ABHD5: variants seen among roughly 807,000 people sequenced by gnomAD.
The protein encoded by ABHD5 is 1-acylglycerol-3-phosphate O-acyltransferase ABHD5.
Under a neutral mutation model 44.9 loss-of-function variants are expected in ABHD5, and 30 were observed. That is an observed-to-expected ratio of 0.67 (90% CI 0.50 to 0.91). The LOEUF (loss-of-function observed/expected upper bound fraction) is 0.91. Among genes scored for constraint, ABHD5 ranks in the 40% least tolerant of loss-of-function variants. The pLI, the probability that ABHD5 is intolerant of heterozygous loss-of-function variation, is 0.00. For synonymous variants in ABHD5, 167 were observed against 147.0 expected, an observed-to-expected ratio of 1.14 and a Z score of -0.99; for missense variants, 399 against 423.4, an observed-to-expected ratio of 0.94 and a Z score of 0.50.
rs1439511213 is a variant in ABHD5 at position 43,717,729 on chromosome 3, C to G, written c.832C>G (p.Leu278Val). ...IPYGWAKRPM[L>V]QRIGKMHPDI... ...TTATGGATGGGCAAAAAGGCCAATGCTCCAGCGAATTGGTAAAATGCACCC... is the reference window on the plus strand; with the variant it reads ...TTATGGATGGGCAAAAAGGCCAATGGTCCAGCGAATTGGTAAAATGCACCC... Residue 278 changes from leucine to valine, a missense_variant, in exon 6 of 7, where the codon CTC becomes GTC. Leu to Val is a conservative substitution (Grantham distance 32, BLOSUM62 1). Transcript: ENST00000644371. 3 of 1,614,236 alleles carry G rather than the reference C, an allele frequency of 1.9e-6. No individual in the cohort carries two copies. The highest frequency in any genetic ancestry group is 3.3e-5 in the Admixed American group (2 of 60,030).
At chr3:43,725,711 A>G (rs1164457890), downstream of ABHD5, among the ~76,000 whole-genome samples, 1 of 152,176 alleles carries the variant, frequency 6.6e-6, no homozygotes, top group Admixed American at 6.5e-5. Context: ...ATGATTCTGG[A>G]CAGTGTCTCC....
chr3:43,723,209 T>C (rs1430014172), downstream of ABHD5, among the ~76,000 whole-genome samples: 3 of 152,208 alleles, frequency 2.0e-5, no homozygotes, highest in Non-Finnish European at 2.9e-5. Flanking sequence ...TAAAAACTCA[T>C]TGGTCACTTT....
At chr3:43,697,807 A>G (rs1390224580) in intron 1 of ABHD5, among the ~76,000 whole-genome samples, 1 of 152,226 alleles carries the variant, frequency 6.6e-6, no homozygotes, top group Non-Finnish European at 1.5e-5. Context: ...CCCTTCAGAC[A>G]TTTTAAGGAA....
At chr3:43,691,783 G>A (rs980982549) in intron 1 of ABHD5, among the ~76,000 whole-genome samples, 2 of 152,186 alleles carry the variant, frequency 1.3e-5, no homozygotes, top group Non-Finnish European at 2.9e-5. Flanking sequence ...AAGGTCTTTG[G>A]CTTGCAAGCT....
intron 1 of ABHD5, among the ~76,000 whole-genome samples, chr3:43,696,741 A>T (rs2084478288): frequency 6.6e-6 from 1 of 152,230 alleles, no homozygotes; most frequent in South Asian, 2.1e-4. Flanking sequence ...AAAGAAGCAG[A>T]GGATAGTTTC....
rs140871217 is a variant in ABHD5 at position 43,715,453 on chromosome 3, G to A, written c.773+395G>A. ...GTTGGGATTACAGGTGTGAGCCACC[G>A]TGCCCGGCCTTTGTTTAAAATATAT... On this transcript the variant is annotated intron_variant, in intron 5 of 6. Transcript: ENST00000644371. 3.9e-3 allele frequency among the ~76,000 whole-genome samples: 596 copies of A among 152,216 alleles called. 6 individuals are homozygous for A. The highest frequency in any genetic ancestry group is 0.013 in the African/African-American group (533 of 41,530).
At chr3:43,727,878 G>A (rs1338525922) in intron 7 of ABHD5, among the ~76,000 whole-genome samples, 1 of 152,168 alleles carries the variant, frequency 6.6e-6, no homozygotes, top group Non-Finnish European at 1.5e-5. Flanking sequence ...CAAAGTGCTA[G>A]TAGTACAGGC....
At chr3:43,731,136 T>C (rs955410149) in intron 7 of ABHD5, among the ~76,000 whole-genome samples, 28 of 152,034 alleles carry the variant, frequency 1.8e-4, no homozygotes, top group African/African-American at 6.5e-4. Context: ...CCCTAATCCA[T>C]TTTTTTTAAA....
At chr3:43,712,324 C>T (rs1239368324) in intron 4 of ABHD5, among the ~76,000 whole-genome samples, 1 of 152,196 alleles carries the variant, frequency 6.6e-6, no homozygotes, top group Non-Finnish European at 1.5e-5. Context: ...TACCACCACA[C>T]TCACAGATTC....
At position 43,702,682 on chromosome 3, in the gene ABHD5, A is replaced by G. The variant is rs150873257; in HGVS notation, c.506+95A>G. 9.3e-4 allele frequency: 1,466 copies of G among 1,578,394 alleles called. 13 individuals are homozygous for G. In the African/African-American group the frequency reaches 0.018, roughly 19 times the overall value. On this transcript the variant is annotated intron_variant, in intron 3 of 6. Transcript: ENST00000644371. ...TGGTGGTTGTTAGTGTCTGAGCCAC[A>G]AGGCAGACATTCTCTTAAAGGACCC...
At chr3:43,703,852 C>T (rs2084579459) in intron 3 of ABHD5, among the ~76,000 whole-genome samples, 1 of 152,054 alleles carries the variant, frequency 6.6e-6, no homozygotes, top group South Asian at 2.1e-4. Context: ...TCCTCTGGAA[C>T]AGCCACTTTT....
intron 1 of ABHD5, 162 bp downstream of exon 1, chr3:43,691,201 C>A: frequency 1.7e-6 from 1 of 595,398 alleles, no homozygotes; most frequent in Non-Finnish European, 2.5e-6. Flanking sequence ...CGCCCAGAGG[C>A]GTCCCGGCGC....
rs892335181 is a variant in ABHD5, at chr3:43,717,736, G to A, written c.839G>A (p.Arg280Gln). Residue 280 changes from arginine to glutamine, a missense_variant, in exon 6 of 7, where the codon CGA becomes CAA. By Grantham distance (43) the Arg-to-Gln change is conservative (BLOSUM62 1). Transcript: ENST00000644371. ...YGWAKRPMLQRIGKMHPDIPV... is the reference protein window; with the variant it reads ...YGWAKRPMLQQIGKMHPDIPV... ...TGGGCAAAAAGGCCAATGCTCCAGC[G>A]AATTGGTAAAATGCACCCTGACATT... The A allele has an allele frequency of 6.2e-7, 1 of 1,614,192 alleles. No individual in the cohort carries two copies. Among genetic ancestry groups the A allele is most frequent in the Non-Finnish European group, 8.5e-7 (1 of 1,180,038 alleles).
chr3:43,703,624 C>T (rs1033843751), intron 3 of ABHD5, among the ~76,000 whole-genome samples: 1 of 152,184 alleles, frequency 6.6e-6, no homozygotes, highest in African/African-American at 2.4e-5. Context: ...ATGAATACAG[C>T]ATTTTTGTGT....
At chr3:43,723,385 T>C (rs1384165271), downstream of ABHD5, among the ~76,000 whole-genome samples, 1 of 152,196 alleles carries the variant, frequency 6.6e-6, no homozygotes, top group African/African-American at 2.4e-5. Flanking sequence ...ATCGCCATTT[T>C]GCCACCTCTA....
downstream of ABHD5, among the ~76,000 whole-genome samples, chr3:43,723,945 C>A (rs1444586611): frequency 6.6e-6 from 1 of 151,992 alleles, no homozygotes. Flanking sequence ...AAGCCCTTAC[C>A]TTTAGGAGTA....
intron 7 of ABHD5, among the ~76,000 whole-genome samples, chr3:43,729,506 C>T (rs2084899339): frequency 6.6e-6 from 1 of 152,208 alleles, no homozygotes; most frequent in African/African-American, 2.4e-5. Context: ...GGTTAAGTGA[C>T]TTGCCCAGGA....
In ABHD5 at chr3:43,714,938, G is replaced by C. The variant is rs771931499; in HGVS notation, c.662-9G>C. ...AAAACATGCATTTTTTAAATTTCCT[G>C]TTAAATAGGTTTAAGTCTAGTGCAG... On this transcript the variant is annotated splice_polypyrimidine_tract_variant and intron_variant, in intron 4 of 6. Coordinates refer to ENST00000644371, the MANE Select transcript of ABHD5 (RefSeq NM_016006.6). 4 of 1,599,656 alleles carry C rather than the reference G, an allele frequency of 2.5e-6. No individual in the cohort carries two copies. Among genetic ancestry groups the C allele is most frequent in the Non-Finnish European group, 3.4e-6 (4 of 1,167,348 alleles).
intron 5 of ABHD5, among the ~76,000 whole-genome samples, chr3:43,716,396 C>A (rs893352763): frequency 5.9e-5 from 9 of 152,154 alleles, no homozygotes; most frequent in African/African-American, 2.4e-5. Context: ...GAAGTGGTAT[C>A]TCATCCTTTC....
Sources: gnomAD v4.1 joint callset for allele counts (sites outside exome capture counted in the v4.1 genomes callset) on GRCh38, gnomAD v4.1.1 for gene constraint, MANE v1.5 for transcripts, NCBI Gene and HGNC (gene_info 2026-07-23, HGNC 2026-07-21) for gene names.